The following NLRP12 variants were observed in gnomAD, a reference collection of about 807,000 sequenced individuals.
NLRP12 encodes NACHT, LRR and PYD domains-containing protein 12.
Under a neutral mutation model 91.2 loss-of-function variants are expected in NLRP12, and 108 were observed. That is an observed-to-expected ratio of 1.18 (90% CI 1.01 to 1.39). The LOEUF is 1.39. Ranked by LOEUF, NLRP12 falls within the 40% of genes most tolerant of loss-of-function variation. The pLI is 0.00. For missense variants in NLRP12, 1,530 were observed against 1,352.7 expected, an observed-to-expected ratio of 1.13 and a Z score of -2.06; for synonymous variants, 613 against 566.7, an observed-to-expected ratio of 1.08 and a Z score of -1.16.
chr19:53,816,339 C>G (rs1252048811), intron 1 of NLRP12, among the ~76,000 whole-genome samples: 1 of 151,838 alleles, frequency 6.6e-6, no homozygotes, highest in Non-Finnish European at 1.5e-5. Context: ...TTTGAAGGAG[C>G]CAGGAGGCAC....
chr19:53,798,743 A>AT (rs202039030), intron 7 of NLRP12, among the ~76,000 whole-genome samples: 1,651 of 152,122 alleles, frequency 0.011, 29 homozygotes, highest in African/African-American at 0.036. Context: ...TACAAAAAAA[A>AT]ATTTTTTTTC....
At chr19:53,808,946 C>T (rs1264628887) in intron 3 of NLRP12, among the ~76,000 whole-genome samples, 2 of 152,032 alleles carry the variant, frequency 1.3e-5, no homozygotes, top group Non-Finnish European at 2.9e-5. Flanking sequence ...AGAGCAAAAT[C>T]ACCCCCAGCT....
intron 5 of NLRP12, among the ~76,000 whole-genome samples, 195 bp downstream of exon 5, chr19:53,805,085 T>C (rs2091936380): frequency 6.6e-6 from 1 of 151,916 alleles, no homozygotes; most frequent in Non-Finnish European, 1.5e-5. Context: ...TCATGTAGAA[T>C]TGAGTGTGGA....
intron 2 of NLRP12, among the ~76,000 whole-genome samples, chr19:53,813,484 A>C (rs989209153): frequency 8.6e-5 from 13 of 150,620 alleles, no homozygotes; most frequent in African/African-American, 3.2e-4. Context: ...TTGTATTTTT[A>C]GTAGAGACAA....
At chr19:53,804,403 T>G (rs909256775) in intron 5 of NLRP12, among the ~76,000 whole-genome samples, 1 of 100,696 alleles carries the variant, frequency 9.9e-6, no homozygotes, top group African/African-American at 4.5e-5. Context: ...GTTTTTTTGT[T>G]TTTTTTTTTT....
intron 3 of NLRP12, among the ~76,000 whole-genome samples, chr19:53,809,363 T>C (rs1480855413): frequency 2.7e-5 from 4 of 150,572 alleles, no homozygotes; most frequent in African/African-American, 9.8e-5. Context: ...AAACCCTGTC[T>C]CTACTAAAAA....
rs200511925 is a variant in NLRP12, at chr19:53,801,263, C to A, written c.2720G>T (p.Gly907Val). Residue 907 changes from glycine (G) to valine (V), a missense_variant, in exon 7 of 10, where the codon GGC (glycine) becomes GTC (valine). By Grantham distance (109) the Gly-to-Val change is moderately radical (BLOSUM62 -3). Transcript: ENST00000324134. ...GAGCTTGCACGTGGGATGCCTGAGG[C>A]CCTCACACAGCAGCAGCACCCCGAG... Reference protein sequence around the residue: ...GDLGVLLLCEGLRHPTCKLQT... With the variant: ...GDLGVLLLCEVLRHPTCKLQT... 9 of 1,613,870 alleles carry A rather than the reference C, an allele frequency of 5.6e-6. No individual in the cohort carries two copies. Among genetic ancestry groups the A allele is most frequent in the Non-Finnish European group, 7.6e-6 (9 of 1,179,964 alleles).
At position 53,823,947 on chromosome 19, in the gene NLRP12, G is replaced by A; in HGVS notation, c.228C>T (p.Thr76=). 2.5e-6 allele frequency: 4 copies of A among 1,614,032 alleles called. No individual in the cohort carries two copies. Among genetic ancestry groups the A allele is most frequent in the Non-Finnish European group, 1.7e-6 (2 of 1,180,032 alleles). The change falls in exon 1 of 10, where the codon ACC becomes ACT. Residue 76 remains threonine (T), a synonymous_variant. Transcript: ENST00000324134. ...PEEAWRLALS[T]FERINRKDLW... is the part of the protein sequence containing the mutation. ...GGTCCTTCCTGTTTATCCGCTCAAA[G>A]GTGCTGAGAGCCAACCTCCAGGCCT...
rs139938997 is a variant in NLRP12, at chr19:53,807,553, C to G, written c.2185G>C (p.Gly729Arg). ...SLYRNALGSR[G>R]VKLLCQGLRH... ...AGTCCTTGACAGAGCAGCTTCACCC[C>G]CCGGCTGCCCAGGGCATTTCGGTAC... is the stretch of plus-strand genomic sequence containing the variant. The change falls in exon 4 of 10, where the codon GGG becomes CGG. Residue 729 changes from glycine (G) to arginine (R), a missense_variant. By Grantham distance (125) the Gly-to-Arg change is moderately radical (BLOSUM62 -2). Transcript: ENST00000324134. 62 of 1,614,124 alleles carry G rather than the reference C, an allele frequency of 3.8e-5. No individual in the cohort carries two copies. In the East Asian group the frequency reaches 5.6e-4, roughly 15 times the overall value.
In NLRP12 at chr19:53,814,982, G is replaced by T. The variant is rs1271514228; in HGVS notation, c.296C>A (p.Pro99Gln). 1.2e-6 allele frequency: 2 copies of T among 1,613,258 alleles called. No homozygotes were observed. Among genetic ancestry groups the T allele is most frequent in the Non-Finnish European group, 1.7e-6 (2 of 1,179,392 alleles). The stretch of plus-strand genomic sequence containing the variant: ...CCCAAGTGAGGACGGGCCACCAGGT[G>T]GGGTATCTGGAAGAGAAATTGTGGA... ...GQREDLVRDT[P>Q]PGGPSSLGNQ... The change falls in exon 2 of 10, where the codon CCA (proline) becomes CAA (glutamine). Residue 99 changes from proline to glutamine, a missense_variant. Coordinates refer to ENST00000324134, the MANE Select transcript of NLRP12 (RefSeq NM_144687.4).
At chr19:53,823,085 A>ATG in intron 1 of NLRP12, among the ~76,000 whole-genome samples, 2 of 151,584 alleles carry the variant, frequency 1.3e-5, no homozygotes, top group Non-Finnish European at 2.9e-5. Context: ...CTCTTAAAAT[A>ATG]TATATACACA....
rs549622639 is a variant in NLRP12, at chr19:53,818,310, G to T, written c.290-3322C>A. ...ACCAGTCTCAAACTTCTGGGCTCAAGTGATCTGCCTGCCTCAGCCTCCCAA... is the reference window on the plus strand; with the variant it reads ...ACCAGTCTCAAACTTCTGGGCTCAATTGATCTGCCTGCCTCAGCCTCCCAA... On this transcript the variant is annotated intron_variant, in intron 1 of 9. Transcript: ENST00000324134. Among the ~76,000 whole-genome samples the T allele has an allele frequency of 2.0e-5, 3 of 152,202 alleles. No homozygotes were observed. The South Asian group carries it at 6.2e-4, about 32-fold the overall frequency.
rs766766491 is a variant in NLRP12 at position 53,814,926 on chromosome 19, G to C, written c.352C>G (p.Leu118Val). The stretch of plus-strand genomic sequence containing the variant: ...GGCTCACCTTTTCTTGGAGTGACAA[G>C]AGAGACTTCCAGAAGGCATGTTGAC... Reference protein sequence around the residue: ...NQSTCLLEVSLVTPRKDPQET... With the variant: ...NQSTCLLEVSVVTPRKDPQET... Residue 118 changes from leucine to valine, a missense_variant, in exon 2 of 10, where the codon CTT (leucine) becomes GTT (valine). Transcript: ENST00000324134. 3 of 1,613,970 alleles carry C rather than the reference G, an allele frequency of 1.9e-6. No individual in the cohort carries two copies. Among genetic ancestry groups the C allele is most frequent in the Non-Finnish European group, 2.5e-6 (3 of 1,179,884 alleles).
chr19:53,798,224 G>A lies in NLRP12; in HGVS notation c.2927+19C>T, dbSNP rs772002337. The A allele has an allele frequency of 9.9e-6, 16 of 1,613,866 alleles. No individual in the cohort carries two copies. The highest frequency in any genetic ancestry group is 2.2e-5 in the East Asian group (1 of 44,892). ...GTCCAAACGTGACCACTGCCACCCC[G>A]TCACTCCCCGATGCTCACCACAGTT... is the stretch of plus-strand genomic sequence containing the variant. On this transcript the variant is annotated intron_variant, in intron 8 of 9. Coordinates refer to ENST00000324134, the MANE Select transcript of NLRP12 (RefSeq NM_144687.4).
At chr19:53,815,545 T>A (rs2092145604) in intron 1 of NLRP12, among the ~76,000 whole-genome samples, 2 of 150,400 alleles carry the variant, frequency 1.3e-5, no homozygotes. Flanking sequence ...TCTTTTTGAC[T>A]GGGAAGTTCT....
chr19:53,810,095 C>CA lies in NLRP12; in HGVS notation c.1563dup (p.Ala522CysfsTer31). The stretch of plus-strand genomic sequence containing the variant: ...TCGTCCAGGATATAGTACATAGCTG[C>CA]AAAGAATTCCTGGAAACTCAAGTGG... On this transcript the variant is annotated frameshift_variant, in exon 3 of 10. Transcript: ENST00000324134. LOFTEE classifies it high-confidence loss of function. 6.2e-7 allele frequency: 1 copy of CA among 1,614,186 alleles called. No individual in the cohort carries two copies. The highest frequency in any genetic ancestry group is 8.5e-7 in the Non-Finnish European group (1 of 1,180,036).
Position 53,798,241 on chromosome 19 carries a change from A to G in NLRP12, c.2927+2T>C. The stretch of plus-strand genomic sequence containing the variant: ...GCCACCCCGTCACTCCCCGATGCTC[A>G]CCACAGTTTCTGGAGTCTGCAGGCG... On this transcript the variant is annotated splice_donor_variant, in intron 8 of 9. Coordinates refer to ENST00000324134, the MANE Select transcript of NLRP12 (RefSeq NM_144687.4). LOFTEE classifies it high-confidence loss of function. 6.2e-7 allele frequency: 1 copy of G among 1,614,136 alleles called. No individual in the cohort carries two copies. Among genetic ancestry groups the G allele is most frequent in the Middle Eastern group, 1.6e-4 (1 of 6,062 alleles).
chr19:53,805,521 C>CTTTTTT, intron 4 of NLRP12, 71 bp from the exon 5 acceptor site: 1 of 1,179,380 alleles, frequency 8.5e-7, no homozygotes, highest in Non-Finnish European at 1.2e-6. Context: ...TTTTCTTTTG[C>CTTTTTT]TTTTTTTTTT....
At chr19:53,809,531 A>AAAG (rs2092019932) in intron 3 of NLRP12, 56 bp downstream of exon 3, 1 of 1,382,364 alleles carries the variant, frequency 7.2e-7, no homozygotes, top group Non-Finnish European at 9.7e-7. Context: ...AAAAAAAAAA[A>AAAG]AAAAAAAAAA....
Sources: allele counts gnomAD v4.1 joint callset (sites outside exome capture counted in the v4.1 genomes callset), GRCh38; gene constraint gnomAD v4.1.1; transcripts MANE v1.5; gene names NCBI Gene and HGNC (gene_info 2026-07-23, HGNC 2026-07-21).